Variants in PADI3 observed in about 807,000 individuals in gnomAD.
PADI3 encodes protein-arginine deiminase type-3.
In PADI3, 53 loss-of-function variants were observed where a neutral mutation model predicts 71.5. The ratio of observed to expected loss-of-function variants is 0.74; its 90% CI spans 0.59 to 0.93. The LOEUF (loss-of-function observed/expected upper bound fraction) is 0.93, where lower values mean the gene tolerates loss of function less well. Among genes scored for constraint, PADI3 ranks in the 40% least tolerant of loss-of-function variants. The pLI is 0.00. For synonymous variants in PADI3, 361 were observed against 347.5 expected (o/e 1.04, Z -0.43); for missense variants, 821 against 868.0 (o/e 0.95, Z 0.68).
At position 17,259,622 on chromosome 1, in the gene PADI3, C is replaced by T. The variant is rs765620074; in HGVS notation, c.137C>T (p.Pro46Leu). 1.9e-6 allele frequency: 3 copies of T among 1,613,148 alleles called. No homozygotes were observed. In the East Asian group the frequency reaches 6.7e-5, roughly 36 times the overall value. The change falls in exon 2 of 16, where the codon CCT becomes CTT. Residue 46 changes from proline to leucine, a missense_variant. Coordinates refer to ENST00000375460, the MANE Select transcript of PADI3 (RefSeq NM_016233.2). ...GTEMFEVYGTPGVDIYISPNM... is the reference protein window; with the variant it reads ...GTEMFEVYGTLGVDIYISPNM... ...GAAATGTTTGAGGTCTATGGGACGCCTGGCGTGGACATCTACATCTCTCCC... is the reference window on the plus strand; with the variant it reads ...GAAATGTTTGAGGTCTATGGGACGCTTGGCGTGGACATCTACATCTCTCCC...
intron 11 of PADI3, among the ~76,000 whole-genome samples, chr1:17,275,513 G>A (rs972386189): frequency 1.3e-5 from 2 of 151,604 alleles, no homozygotes; most frequent in Middle Eastern, 3.5e-3. Context: ...ATGCATTTAG[G>A]TCAAAGCTTG....
intron 1 of PADI3, 56 bp from the exon 2 acceptor site, chr1:17,259,522 C>T (rs2073073512): frequency 3.4e-6 from 5 of 1,487,866 alleles, no homozygotes; most frequent in Admixed American, 4.4e-5. Flanking sequence ...AAAGCTCAAA[C>T]ATCTGAGCAA....
chr1:17,264,702 CTT>C (rs929258753), intron 3 of PADI3, among the ~76,000 whole-genome samples: 9 of 152,246 alleles, frequency 5.9e-5, no homozygotes, highest in African/African-American at 2.2e-4. Flanking sequence ...GGTTGAGTAT[CTT>C]TTCACATGTT....
At position 17,259,565 on chromosome 1, in the gene PADI3, C is replaced by G; in HGVS notation, c.93-13C>G. On this transcript the variant is annotated splice_polypyrimidine_tract_variant and intron_variant, in intron 1 of 15. Transcript: ENST00000375460. The stretch of plus-strand genomic sequence containing the variant: ...CTCCTTCGGCACCGACCATGGCTCT[C>G]TGCCCTGCCCAGGTCAGTGCCTGAG... 6.4e-7 allele frequency: 1 copy of G among 1,570,348 alleles called. No homozygotes were observed. Among genetic ancestry groups the G allele is most frequent in the Non-Finnish European group, 8.7e-7 (1 of 1,154,254 alleles).
chr1:17,264,787 G>C (rs1351301093), intron 3 of PADI3, among the ~76,000 whole-genome samples: 3 of 152,052 alleles, frequency 2.0e-5, no homozygotes, highest in African/African-American at 7.2e-5. Flanking sequence ...GGGGTGGGTG[G>C]ATCACTTGAG....
chr1:17,255,927 G>A (rs893791365), intron 1 of PADI3, among the ~76,000 whole-genome samples: 4 of 152,306 alleles, frequency 2.6e-5, no homozygotes, highest in African/African-American at 9.6e-5. Flanking sequence ...AGGGACCACA[G>A]GCTCAAGTAC....
chr1:17,254,779 G>T (rs1398766492), intron 1 of PADI3, among the ~76,000 whole-genome samples: 2 of 149,742 alleles, frequency 1.3e-5, no homozygotes, highest in African/African-American at 4.9e-5. Context: ...GTGCAATGGG[G>T]CTATCTTGGC....
intron 13 of PADI3, among the ~76,000 whole-genome samples, chr1:17,277,238 A>T (rs187773663): frequency 6.6e-6 from 1 of 150,658 alleles, no homozygotes; most frequent in Non-Finnish European, 1.5e-5. Flanking sequence ...CTTGTTGCCC[A>T]GGCTGGAGTG....
chr1:17,276,863 C>T lies in PADI3; in HGVS notation c.1542C>T (p.Phe514=), dbSNP rs766125468. ...GTGGCCACGGGAGGGCCCTCCTGTT[C>T]CAGGGGGTTGTTGGTGGGTAACAGT... The part of the protein sequence containing the change: ...QKCGHGRALL[F]QGVVDDEQVK... Residue 514 remains phenylalanine, a synonymous_variant, in exon 13 of 16, where the codon TTC becomes TTT. Coordinates refer to ENST00000375460, the MANE Select transcript of PADI3 (RefSeq NM_016233.2). The T allele has an allele frequency of 1.9e-6, 3 of 1,611,794 alleles. No homozygotes were observed. The highest frequency in any genetic ancestry group is 2.5e-6 in the Non-Finnish European group (3 of 1,179,076).
At chr1:17,280,489 A>T in intron 14 of PADI3, 60 bp downstream of exon 14, 1 of 1,514,048 alleles carries the variant, frequency 6.6e-7, no homozygotes, top group Non-Finnish European at 9.2e-7. Context: ...GCTGGAGGCA[A>T]GGATGGGATA....
intron 2 of PADI3, 120 bp from the exon 3 acceptor site, chr1:17,262,013 T>G: frequency 1.3e-6 from 1 of 787,160 alleles, no homozygotes; most frequent in Non-Finnish European, 2.1e-6. Context: ...ACAGAGGAGG[T>G]TAAAGAAAGA....
rs758721016 is a variant in PADI3, at chr1:17,265,727, A to G, written c.408+7A>G. 1 of 1,613,776 alleles carries G rather than the reference A, an allele frequency of 6.2e-7. No individual in the cohort carries two copies. Among genetic ancestry groups the G allele is most frequent in the Non-Finnish European group, 8.5e-7 (1 of 1,179,666 alleles). On this transcript the variant is annotated splice_region_variant and intron_variant, in intron 4 of 15. Coordinates refer to ENST00000375460, the MANE Select transcript of PADI3 (RefSeq NM_016233.2). ...CAGGAACTTTGTAGACAAGGTAAGC[A>G]TCTCTGCCTGGGCCCAGGAAGCAGG...
chr1:17,280,762 A>G lies in PADI3; in HGVS notation c.1727A>G (p.Glu576Gly). Residue 576 changes from glutamate (E) to glycine (G), a missense_variant, in exon 15 of 16, where the codon GAG becomes GGG. Transcript: ENST00000375460. The part of the protein sequence containing the change: ...IIDIPQLFKT[E>G]RKKATAFFPD... ...GACATCCCACAGCTCTTCAAGACCG[A>G]GAGGAAAAAAGCAACGGCCTTCTTC... 1 of 1,614,136 alleles carries G rather than the reference A, an allele frequency of 6.2e-7. No individual in the cohort carries two copies. The highest frequency in any genetic ancestry group is 8.5e-7 in the Non-Finnish European group (1 of 1,180,002).
intron 5 of PADI3, 28 bp from the exon 6 acceptor site, chr1:17,267,809 G>A (rs765983729): frequency 6.2e-7 from 1 of 1,611,280 alleles, no homozygotes; most frequent in East Asian, 2.2e-5. Context: ...ACTCCCTTGA[G>A]TCACTACCAC....
At chr1:17,269,650 G>C (rs536015913) in intron 6 of PADI3, among the ~76,000 whole-genome samples, 5 of 151,584 alleles carry the variant, frequency 3.3e-5, no homozygotes, top group Admixed American at 6.6e-5. Context: ...ATGGATTCTC[G>C]CTCCATGCCC....
At chr1:17,261,158 G>A (rs1272773235) in intron 2 of PADI3, among the ~76,000 whole-genome samples, 2 of 152,182 alleles carry the variant, frequency 1.3e-5, no homozygotes, top group Non-Finnish European at 2.9e-5. Flanking sequence ...GAGAAGCAGA[G>A]AGTTGAGACA....
At chr1:17,265,001 T>A (rs2073148537) in intron 3 of PADI3, among the ~76,000 whole-genome samples, 1 of 133,444 alleles carries the variant, frequency 7.5e-6, no homozygotes, top group Non-Finnish European at 1.6e-5. Context: ...AGAGACCCTG[T>A]CTTGTCTCAA....
Position 17,249,103 on chromosome 1 carries a change from T to G in PADI3, c.-35T>G, listed in dbSNP as rs919821480. The G allele has an allele frequency of 3.8e-6, 6 of 1,582,560 alleles. No individual in the cohort carries two copies. Among genetic ancestry groups the G allele is most frequent in the African/African-American group, 1.3e-5 (1 of 74,232 alleles). On this transcript the variant is annotated 5_prime_UTR_variant, in exon 1 of 16. Transcript: ENST00000375460. ...TCCTAAGGGGCCTCAGGGGCAGTGT[T>G]GGGGTTGGCGGCCACAGCTAAGTCC...
At position 17,283,346 on chromosome 1, in the gene PADI3, A is replaced by C; in HGVS notation, c.*267A>C. ...CCTCTCCTGTGATTCAACACAACCC[A>C]TGGAGATGTCCCCTTCTCACTCTGA... On this transcript the variant is annotated 3_prime_UTR_variant, in exon 16 of 16. Transcript: ENST00000375460. The C allele has an allele frequency of 7.0e-6, 3 of 428,472 alleles. No homozygotes were observed. The highest frequency in any genetic ancestry group is 4.2e-5 in the East Asian group (1 of 24,012). The allele number at this position is 428,472 out of a possible 1,614,324, so 26.5% of individuals were successfully genotyped here.
Sources: gnomAD v4.1 joint callset for allele counts (sites outside exome capture counted in the v4.1 genomes callset) on GRCh38, gnomAD v4.1.1 for gene constraint, MANE v1.5 for transcripts, NCBI Gene and HGNC (gene_info 2026-07-23, HGNC 2026-07-21) for gene names.